ADAMTS17: variants seen among roughly 807,000 people sequenced by gnomAD.
ADAMTS17 encodes A disintegrin and metalloproteinase with thrombospondin motifs 17.
Under a neutral mutation model 141.5 loss-of-function variants are expected in ADAMTS17, and 113 were observed. The ratio of observed to expected loss-of-function variants is 0.80; its 90% CI spans 0.69 to 0.93. The LOEUF is 0.93. ADAMTS17 is among the 40% of genes least tolerant of loss of function. The pLI, the probability that ADAMTS17 is intolerant of heterozygous loss-of-function variation, is 0.00. For synonymous variants in ADAMTS17, 768 were observed against 630.6 expected, an observed-to-expected ratio of 1.22 and a Z score of -3.27; for missense variants, 1,659 against 1,517.9, an observed-to-expected ratio of 1.09 and a Z score of -1.54.
At chr15:100,313,560 G>A (rs1045310853) in intron 3 of ADAMTS17, among the ~76,000 whole-genome samples, 3 of 152,146 alleles carry the variant, frequency 2.0e-5, no homozygotes, top group South Asian at 2.1e-4. Flanking sequence ...ATATTCATGA[G>A]GTAAAATAAG....
At chr15:100,149,436 T>G (rs977164232) in intron 10 of ADAMTS17, among the ~76,000 whole-genome samples, 7 of 152,220 alleles carry the variant, frequency 4.6e-5, no homozygotes, top group Non-Finnish European at 1.0e-4. Flanking sequence ...TTCCACCAGT[T>G]TTAATCAGTA....
intron 15 of ADAMTS17, among the ~76,000 whole-genome samples, chr15:100,068,087 G>T (rs1268928415): frequency 2.0e-5 from 3 of 152,104 alleles, no homozygotes; most frequent in Non-Finnish European, 4.4e-5. Context: ...CTTAGCAAAC[G>T]GCACGCCAGG....
chr15:100,086,014 A>G (rs2035075933), intron 15 of ADAMTS17, among the ~76,000 whole-genome samples: 1 of 150,944 alleles, frequency 6.6e-6, no homozygotes, highest in Non-Finnish European at 1.5e-5. Flanking sequence ...CTTAAATGTA[A>G]ATGGGCTAAA....
chr15:100,080,308 C>T (rs2034646743), intron 15 of ADAMTS17, among the ~76,000 whole-genome samples: 1 of 152,124 alleles, frequency 6.6e-6, no homozygotes, highest in African/African-American at 2.4e-5. Context: ...AGTCAACAGG[C>T]CAAGAAGGGA....
At chr15:100,026,812 C>G (rs1431312083) in intron 18 of ADAMTS17, among the ~76,000 whole-genome samples, 3 of 152,200 alleles carry the variant, frequency 2.0e-5, no homozygotes, top group Non-Finnish European at 4.4e-5. Context: ...TAGCTCTGCC[C>G]ACCTTGAAAC....
intron 16 of ADAMTS17, among the ~76,000 whole-genome samples, chr15:100,052,250 G>A (rs1165542647): frequency 2.6e-5 from 4 of 152,082 alleles, no homozygotes; most frequent in Non-Finnish European, 4.4e-5. Flanking sequence ...TCAGGAGTAA[G>A]GCAAGCTCAA....
chr15:99,990,658 G>T (rs576085026), intron 20 of ADAMTS17, among the ~76,000 whole-genome samples: 1 of 151,444 alleles, frequency 6.6e-6, no homozygotes, highest in Non-Finnish European at 1.5e-5. Context: ...AGGGTTTGGG[G>T]AACTTTGTGT....
chr15:100,246,620 A>G (rs1196787914), intron 7 of ADAMTS17, among the ~76,000 whole-genome samples: 1 of 152,222 alleles, frequency 6.6e-6, no homozygotes, highest in African/African-American at 2.4e-5. Flanking sequence ...AGGGCCCAAA[A>G]GTGAGATGGG....
At chr15:100,227,366 C>A (rs118182239) in intron 7 of ADAMTS17, among the ~76,000 whole-genome samples, 1 of 152,218 alleles carries the variant, frequency 6.6e-6, no homozygotes, top group Non-Finnish European at 1.5e-5. Context: ...CCCTCCAATC[C>A]TCCCCATTCC....
intron 8 of ADAMTS17, among the ~76,000 whole-genome samples, chr15:100,173,041 T>A (rs769884960): frequency 6.6e-6 from 1 of 152,124 alleles, no homozygotes; most frequent in African/African-American, 2.4e-5. Context: ...GCCCAAGCGG[T>A]CTAAGGGGTG....
intron 20 of ADAMTS17, among the ~76,000 whole-genome samples, chr15:99,984,492 G>C (rs1411904021): frequency 6.6e-6 from 1 of 152,246 alleles, no homozygotes; most frequent in Admixed American, 6.5e-5. Flanking sequence ...TAAGAAATGA[G>C]ATTCTGATGA....
intron 7 of ADAMTS17, among the ~76,000 whole-genome samples, chr15:100,245,480 C>T (rs561764250): frequency 3.9e-5 from 6 of 152,336 alleles, no homozygotes; most frequent in African/African-American, 1.4e-4. Flanking sequence ...TGTCTAGTTC[C>T]AAAGTAAATG....
chr15:100,339,162 A>ATGAG, intron 2 of ADAMTS17: 1 of 985,448 alleles, frequency 1.0e-6, no homozygotes, highest in Non-Finnish European at 1.2e-6. Flanking sequence ...TCCTTTATCT[A>ATGAG]AAGCACAGCA....
At chr15:100,055,737 C>T (rs1022253642) in intron 15 of ADAMTS17, among the ~76,000 whole-genome samples, 3 of 152,218 alleles carry the variant, frequency 2.0e-5, no homozygotes, top group African/African-American at 7.2e-5. Flanking sequence ...AGTTTCCTCT[C>T]CTTTTTCTCT....
At chr15:100,040,550 T>C (rs369023165) in intron 18 of ADAMTS17, among the ~76,000 whole-genome samples, 1 of 152,158 alleles carries the variant, frequency 6.6e-6, no homozygotes, top group African/African-American at 2.4e-5. Flanking sequence ...GAGAAGGATC[T>C]CTTTTGATGG....
chr15:100,251,560 CTAAAAA>C (rs2043155212), intron 7 of ADAMTS17, among the ~76,000 whole-genome samples: 1 of 152,188 alleles, frequency 6.6e-6, no homozygotes, highest in African/African-American at 2.4e-5. Flanking sequence ...CCCATCTCTA[CTAAAAA>C]TACAAAAAAT....
intron 3 of ADAMTS17, among the ~76,000 whole-genome samples, chr15:100,296,493 A>C (rs2142153525): frequency 6.6e-6 from 1 of 152,140 alleles, no homozygotes; most frequent in African/African-American, 2.4e-5. Flanking sequence ...AGACCAAGTC[A>C]TTTTTATAAA....
chr15:100,039,449 C>T (rs551405845), intron 18 of ADAMTS17, among the ~76,000 whole-genome samples: 19 of 152,274 alleles, frequency 1.2e-4, no homozygotes, highest in African/African-American at 4.6e-4. Context: ...GCCTTCACCT[C>T]GATTCATCTC....
chr15:100,065,939 T>C (rs1017436637), intron 15 of ADAMTS17, among the ~76,000 whole-genome samples: 3 of 152,228 alleles, frequency 2.0e-5, no homozygotes, highest in Non-Finnish European at 4.4e-5. Context: ...TGAATTCTCA[T>C]TGTTCAACTC....
Sources: gnomAD v4.1 joint callset for allele counts (sites outside exome capture counted in the v4.1 genomes callset) on GRCh38, gnomAD v4.1.1 for gene constraint, MANE v1.5 for transcripts, NCBI Gene and HGNC (gene_info 2026-07-23, HGNC 2026-07-21) for gene names.